DDX10: variants seen among roughly 807,000 people sequenced by gnomAD.
DDX10 encodes the protein DEAD-box helicase 10.
Under a neutral mutation model 104.3 loss-of-function variants are expected in DDX10, and 74 were observed. That is an observed-to-expected ratio of 0.71 (90% CI 0.59 to 0.86). The LOEUF is 0.86. DDX10 is among the 40% of genes least tolerant of loss of function. The pLI, the probability that DDX10 is intolerant of heterozygous loss-of-function variation, is 0.00. For missense variants in DDX10, 952 were observed against 1,040.0 expected (o/e 0.92, Z 1.16); for synonymous variants, 351 against 353.4 (o/e 0.99, Z 0.08).
intron 13 of DDX10, among the ~76,000 whole-genome samples, chr11:108,739,350 C>G (rs1255769254): frequency 6.6e-6 from 1 of 152,154 alleles, no homozygotes; most frequent in African/African-American, 2.4e-5. Context: ...TTGATAAGAC[C>G]CTAAATTAGT....
intron 14 of DDX10, among the ~76,000 whole-genome samples, chr11:108,839,905 T>A (rs1188956777): frequency 6.6e-6 from 1 of 152,188 alleles, no homozygotes; most frequent in Non-Finnish European, 1.5e-5. Context: ...GCTACTAAGT[T>A]TAACTGCATA....
chr11:108,852,530 C>T (rs775117021), intron 16 of DDX10, among the ~76,000 whole-genome samples: 1 of 152,196 alleles, frequency 6.6e-6, no homozygotes, highest in Admixed American at 6.5e-5. Context: ...AGGCAGTTGA[C>T]TCTGTGGGCC....
intron 1 of DDX10, among the ~76,000 whole-genome samples, chr11:108,668,918 T>C (rs907633459): frequency 6.6e-6 from 1 of 152,114 alleles, no homozygotes; most frequent in African/African-American, 2.4e-5. Flanking sequence ...TCAGATGCAT[T>C]ACAAAAAACA....
At chr11:108,851,211 A>G (rs1375951503) in intron 15 of DDX10, among the ~76,000 whole-genome samples, 1 of 152,132 alleles carries the variant, frequency 6.6e-6, no homozygotes, top group Non-Finnish European at 1.5e-5. Context: ...AACACAGGAA[A>G]ACTGCATGGG....
intron 13 of DDX10, among the ~76,000 whole-genome samples, chr11:108,810,444 T>C (rs138690718): frequency 2.0e-5 from 3 of 152,236 alleles, no homozygotes; most frequent in Non-Finnish European, 4.4e-5. Flanking sequence ...CTGCACCCAA[T>C]TGTATTTATA....
chr11:108,680,584 G>C (rs997567047), intron 6 of DDX10, among the ~76,000 whole-genome samples: 1 of 152,168 alleles, frequency 6.6e-6, no homozygotes, highest in Admixed American at 6.5e-5. Flanking sequence ...ATGAATCACT[G>C]CAGACTTCCA....
At chr11:108,810,573 C>G (rs1030574015) in intron 13 of DDX10, among the ~76,000 whole-genome samples, 11 of 152,210 alleles carry the variant, frequency 7.2e-5, no homozygotes, top group African/African-American at 2.4e-4. Context: ...TTACAACCTA[C>G]TGATTGGGTT....
intron 17 of DDX10, among the ~76,000 whole-genome samples, chr11:108,938,733 T>C (rs902645273): frequency 2.6e-5 from 4 of 152,214 alleles, no homozygotes; most frequent in Non-Finnish European, 5.9e-5. Flanking sequence ...CTAGTTTGTC[T>C]TTCCTCCAGT....
At chr11:108,682,915 C>CT (rs1342676257) in intron 6 of DDX10, among the ~76,000 whole-genome samples, 1 of 151,900 alleles carries the variant, frequency 6.6e-6, no homozygotes, top group Non-Finnish European at 1.5e-5. Context: ...TTGTTGTACT[C>CT]TAAGTTCCAT....
intron 15 of DDX10, among the ~76,000 whole-genome samples, chr11:108,843,027 T>G (rs762884916): frequency 1.3e-5 from 2 of 152,242 alleles, no homozygotes; most frequent in Non-Finnish European, 2.9e-5. Context: ...ATTGGCAAAT[T>G]GTACTTGTTT....
chr11:108,809,107 T>C (rs1393280494), intron 13 of DDX10, among the ~76,000 whole-genome samples: 1 of 152,106 alleles, frequency 6.6e-6, no homozygotes, highest in Non-Finnish European at 1.5e-5. Context: ...TATTGGTTGA[T>C]CTATTAAAAC....
At chr11:108,714,039 G>C (rs1203869867) in intron 10 of DDX10, among the ~76,000 whole-genome samples, 3 of 152,186 alleles carry the variant, frequency 2.0e-5, no homozygotes, top group Non-Finnish European at 4.4e-5. Flanking sequence ...CCCACCCTCA[G>C]GAGAAACTAG....
At chr11:108,935,042 A>G (rs1189336186) in intron 17 of DDX10, among the ~76,000 whole-genome samples, 2 of 152,186 alleles carry the variant, frequency 1.3e-5, no homozygotes, top group African/African-American at 4.8e-5. Context: ...CATTATTTTT[A>G]CTATTCAGAT....
At chr11:108,685,397 C>G in intron 6 of DDX10, among the ~76,000 whole-genome samples, 1 of 151,556 alleles carries the variant, frequency 6.6e-6, no homozygotes, top group Admixed American at 6.6e-5. Context: ...GGCTCGCGCA[C>G]GGTGCGCACA....
chr11:108,926,295 C>T (rs1863907544), intron 17 of DDX10, among the ~76,000 whole-genome samples: 1 of 94,466 alleles, frequency 1.1e-5, no homozygotes, highest in Non-Finnish European at 2.2e-5. Context: ...CACAGACACT[C>T]CCATGCAGTT....
chr11:108,917,736 C>T (rs1335004184), intron 16 of DDX10, 137 bp from the exon 17 acceptor site: 3 of 764,620 alleles, frequency 3.9e-6, no homozygotes, highest in African/African-American at 3.5e-5. Flanking sequence ...CTGAAAGTCA[C>T]ATAAGGGCCT....
intron 6 of DDX10, among the ~76,000 whole-genome samples, chr11:108,685,864 T>G (rs1177788363): frequency 6.6e-6 from 1 of 152,230 alleles, no homozygotes; most frequent in East Asian, 1.9e-4. Flanking sequence ...TATGATTACT[T>G]ATAAAAGTTT....
chr11:108,934,910 C>A (rs547320282), intron 17 of DDX10, among the ~76,000 whole-genome samples: 8 of 152,154 alleles, frequency 5.3e-5, no homozygotes, highest in Non-Finnish European at 1.2e-4. Flanking sequence ...GGGGTGCTCC[C>A]ACACGTGACA....
chr11:108,718,415 A>G (rs933870539), intron 11 of DDX10, among the ~76,000 whole-genome samples: 1 of 152,216 alleles, frequency 6.6e-6, no homozygotes, highest in African/African-American at 2.4e-5. Context: ...TAGGCATGCA[A>G]ACATGTACAT....
Sources: gnomAD v4.1 joint callset for allele counts (sites outside exome capture counted in the v4.1 genomes callset) on GRCh38, gnomAD v4.1.1 for gene constraint, MANE v1.5 for transcripts, NCBI Gene and HGNC (gene_info 2026-07-23, HGNC 2026-07-21) for gene names.